The following COPG1 variants were observed in gnomAD, a reference collection of about 807,000 sequenced individuals.
COPG1 encodes the protein coatomer subunit gamma-1.
In COPG1, 29 loss-of-function variants were observed where a neutral mutation model predicts 102.8. That is an observed-to-expected ratio of 0.28 (90% CI 0.21 to 0.38). The LOEUF is 0.38. Ranked by LOEUF, COPG1 falls within the 10% of genes least tolerant of loss-of-function variation. COPG1 has a pLI of 1.00. For synonymous variants in COPG1, 406 were observed against 421.6 expected, an observed-to-expected ratio of 0.96 and a Z score of 0.45; for missense variants, 875 against 1,132.7, an observed-to-expected ratio of 0.77 and a Z score of 3.27.
At chr3:129,276,832 T>TC (rs1296993507) in intron 23 of COPG1, among the ~76,000 whole-genome samples, 1 of 147,612 alleles carries the variant, frequency 6.8e-6, no homozygotes, top group East Asian at 2.0e-4. Context: ...TCTTTTTTTT[T>TC]TTTTTTTTTG....
chr3:129,254,405 G>A (rs540598803), intron 5 of COPG1: 45 of 434,616 alleles, frequency 1.0e-4, no homozygotes, highest in Non-Finnish European at 1.6e-4. Context: ...AGTTAGGGAA[G>A]TTCAAGGAGT....
At chr3:129,272,119 G>A (rs1404181072) in intron 19 of COPG1, 125 bp from the exon 20 acceptor site, 3 of 1,067,214 alleles carry the variant, frequency 2.8e-6, no homozygotes, top group South Asian at 1.5e-5. Flanking sequence ...AGGGAACCTG[G>A]GGCAGGGGGA....
At position 129,254,968 on chromosome 3, in the gene COPG1, G is replaced by T; in HGVS notation, c.400-17G>T. 6.2e-7 allele frequency: 1 copy of T among 1,608,734 alleles called. No homozygotes were observed. Among genetic ancestry groups the T allele is most frequent in the Non-Finnish European group, 8.5e-7 (1 of 1,175,180 alleles). The stretch of plus-strand genomic sequence containing the variant: ...GACTGACTGGATCTCCTTCCACCCT[G>T]CTCCTTTTGCCCACAGAGCACCATG... On this transcript the variant is annotated splice_polypyrimidine_tract_variant and intron_variant, in intron 6 of 23. Transcript: ENST00000314797.
At position 129,272,379 on chromosome 3, in the gene COPG1, A is replaced by G; in HGVS notation, c.2122A>G (p.Thr708Ala). The G allele has an allele frequency of 6.2e-7, 1 of 1,614,024 alleles. No individual in the cohort carries two copies. The highest frequency in any genetic ancestry group is 8.5e-7 in the Non-Finnish European group (1 of 1,179,952). The change falls in exon 20 of 24, where the codon ACA becomes GCA. Residue 708 changes from threonine (T) to alanine (A), a missense_variant. Physicochemically the swap from Thr to Ala is moderately conservative, Grantham distance 58. Coordinates refer to ENST00000314797, the MANE Select transcript of COPG1 (RefSeq NM_016128.4). ...LPYNQPGTCYTLVALPKEDPT... is the reference protein window; with the variant it reads ...LPYNQPGTCYALVALPKEDPT... ...CTACAACCAGCCCGGGACCTGCTAC[A>G]CACTGGTGGCACTGCCCAAAGAAGA...
intron 17 of COPG1, 146 bp from the exon 18 acceptor site, chr3:129,268,786 C>G: frequency 1.9e-6 from 2 of 1,061,042 alleles, no homozygotes; most frequent in East Asian, 2.4e-5. Flanking sequence ...CACATACACA[C>G]AGACGTGGGC....
In COPG1 at chr3:129,250,750, T is replaced by C; in HGVS notation, c.90+16T>C. On this transcript the variant is annotated intron_variant, in intron 2 of 23. Coordinates refer to ENST00000314797, the MANE Select transcript of COPG1 (RefSeq NM_016128.4). ...ACTCCAGGAGGCAAGTGACATTTGCTCCCCTCTAGCTTCCATCATAAATAT... is the reference window on the plus strand; with the variant it reads ...ACTCCAGGAGGCAAGTGACATTTGCCCCCCTCTAGCTTCCATCATAAATAT... 1 of 1,609,580 alleles carries C rather than the reference T, an allele frequency of 6.2e-7. No homozygotes were observed. Among genetic ancestry groups the C allele is most frequent in the Non-Finnish European group, 8.5e-7 (1 of 1,176,012 alleles).
At chr3:129,274,588 G>A (rs986474679) in intron 21 of COPG1, among the ~76,000 whole-genome samples, 2 of 152,208 alleles carry the variant, frequency 1.3e-5, no homozygotes, top group Non-Finnish European at 2.9e-5. Context: ...ACAGCAGGCG[G>A]CTCTAGGCTG....
Position 129,257,865 on chromosome 3 carries a change from C to T in COPG1, c.871+5C>T, listed in dbSNP as rs374144434. 45 of 1,612,302 alleles carry T rather than the reference C, an allele frequency of 2.8e-5. No homozygotes were observed. The African/African-American group carries it at 4.8e-4, about 17-fold the overall frequency. ...AGCTGGCCCCGGCTGTGTCAGGTCA[C>T]TGGGCATTCCTTCACCCAGCCTCAC... On this transcript the variant is annotated splice_donor_5th_base_variant and intron_variant, in intron 10 of 23. Coordinates refer to ENST00000314797, the MANE Select transcript of COPG1 (RefSeq NM_016128.4).
intron 10 of COPG1, among the ~76,000 whole-genome samples, chr3:129,259,083 T>C (rs766037482): frequency 6.6e-6 from 1 of 152,160 alleles, no homozygotes; most frequent in Non-Finnish European, 1.5e-5. Flanking sequence ...TCTATTATTC[T>C]CTACTATAAC....
intron 18 of COPG1, 95 bp downstream of exon 18, chr3:129,269,095 T>C (rs542825375): frequency 9.1e-7 from 1 of 1,096,554 alleles, no homozygotes; most frequent in South Asian, 1.3e-5. Context: ...CTCTCCTGAG[T>C]GCTAGGCCCT....
intron 10 of COPG1, 129 bp downstream of exon 10, chr3:129,257,989 C>T (rs1321180363): frequency 8.4e-7 from 1 of 1,183,972 alleles, no homozygotes; most frequent in Non-Finnish European, 1.2e-6. Context: ...CTAGGAAGCA[C>T]CTGCCCCAGA....
intron 5 of COPG1, among the ~76,000 whole-genome samples, chr3:129,253,256 C>T (rs140436239): frequency 6.6e-6 from 1 of 152,270 alleles, no homozygotes; most frequent in East Asian, 1.9e-4. Context: ...GAAAAATAAA[C>T]AAGAGAGTAC....
intron 5 of COPG1, 74 bp from the exon 6 acceptor site, chr3:129,254,594 G>C: frequency 9.3e-7 from 1 of 1,078,138 alleles, no homozygotes. Flanking sequence ...TCTGGGCAAG[G>C]GTGGTGTTGG....
chr3:129,252,850 T>C, intron 4 of COPG1, 26 bp from the exon 5 acceptor site: 1 of 1,611,090 alleles, frequency 6.2e-7, no homozygotes, highest in Middle Eastern at 1.7e-4. Flanking sequence ...CCCGGGCTGA[T>C]AGGGCTTTTC....
chr3:129,262,911 T>G (rs1220237434), intron 12 of COPG1, among the ~76,000 whole-genome samples: 1 of 150,460 alleles, frequency 6.6e-6, no homozygotes, highest in Non-Finnish European at 1.5e-5. Flanking sequence ...TCCCAGCCAC[T>G]CCGGAGGCTG....
chr3:129,258,168 C>A (rs1443727904), intron 10 of COPG1, among the ~76,000 whole-genome samples: 1 of 152,202 alleles, frequency 6.6e-6, no homozygotes, highest in Non-Finnish European at 1.5e-5. Flanking sequence ...GAAACTGGTG[C>A]ATGTGAAGTG....
Position 129,252,877 on chromosome 3 carries a change from C to G in COPG1, c.245C>G (p.Pro82Arg). 2 of 1,614,080 alleles carry G rather than the reference C, an allele frequency of 1.2e-6. No homozygotes were observed. Among genetic ancestry groups the G allele is most frequent in the Non-Finnish European group, 1.7e-6 (2 of 1,179,950 alleles). ...GGGCTTTTCCCACCTATCTCCCAGC[C>G]CACACTCCGTCGGATGTGCTACTTG... is the stretch of plus-strand genomic sequence containing the variant. The part of the protein sequence containing the change: ...AMTKLFQSND[P>R]TLRRMCYLTI... Residue 82 changes from proline to arginine, a missense_variant and splice_region_variant, in exon 5 of 24, where the codon CCC becomes CGC. Transcript: ENST00000314797.
At chr3:129,255,590 CA>C (rs1255509579) in intron 7 of COPG1, among the ~76,000 whole-genome samples, 3 of 151,852 alleles carry the variant, frequency 2.0e-5, no homozygotes, top group Non-Finnish European at 2.9e-5. Context: ...TCAAGCGATT[CA>C]CATGCCTCAG....
intron 23 of COPG1, among the ~76,000 whole-genome samples, chr3:129,276,971 C>T (rs969374682): frequency 6.6e-6 from 1 of 151,908 alleles, no homozygotes; most frequent in Non-Finnish European, 1.5e-5. Context: ...TTACAGGCGT[C>T]CACCACCATG....
Sources: gnomAD v4.1 joint callset for allele counts (sites outside exome capture counted in the v4.1 genomes callset) on GRCh38, gnomAD v4.1.1 for gene constraint, MANE v1.5 for transcripts, NCBI Gene and HGNC (gene_info 2026-07-23, HGNC 2026-07-21) for gene names.